ATP9B: variants seen among roughly 807,000 people sequenced by gnomAD.
ATP9B encodes probable phospholipid-transporting ATPase IIB.
In ATP9B, 110 loss-of-function variants were observed where a neutral mutation model predicts 146.1. That is an observed-to-expected ratio of 0.75 (90% CI 0.65 to 0.88). The LOEUF is 0.88. Ranked by LOEUF, ATP9B falls within the 40% of genes least tolerant of loss-of-function variation. ATP9B has a pLI of 0.00. For synonymous variants in ATP9B, 604 were observed against 569.7 expected, an observed-to-expected ratio of 1.06 and a Z score of -0.86; for missense variants, 1,499 against 1,496.4, an observed-to-expected ratio of 1.00 and a Z score of -0.03.
chr18:79,336,596 G>A, intron 17 of ATP9B, 32 bp from the exon 18 acceptor site: 1 of 1,607,550 alleles, frequency 6.2e-7, no homozygotes, highest in Non-Finnish European at 8.5e-7. Flanking sequence ...GCTCTGCAGG[G>A]CCCACCTGTG....
At chr18:79,090,720 A>T (rs59570002) in intron 1 of ATP9B, among the ~76,000 whole-genome samples, 5,794 of 152,048 alleles carry the variant, frequency 0.038, 151 homozygotes, top group African/African-American at 0.068. Context: ...ATTTTCCCCC[A>T]TTCTGTGGGT....
rs1555849962 is a variant in ATP9B, at chr18:79,327,647, A to ATGCTCTCCGTGTTTAGCG, written c.1774-1482_1774-1465dup. Among the ~76,000 whole-genome samples, 7 of 31,316 alleles carry ATGCTCTCCGTGTTTAGCG rather than the reference A, an allele frequency of 2.2e-4. 1 individual carries two copies. The highest frequency in any genetic ancestry group is 4.5e-4 in the African/African-American group (3 of 6,726). The allele number at this position is 31,316 out of a possible 152,430, so 20.5% of individuals were successfully genotyped here. A position where few individuals can be genotyped will look rare whatever the true frequency, so the allele number is the denominator to read the frequency against. ...GGTTAGTGTGCCCTCCCTGGTTAGC[A>ATGCTCTCCGTGTTTAGCG]TGCTCTCCGTGTTTAGCGTGCTCTC... On this transcript the variant is annotated intron_variant, in intron 15 of 29. Transcript: ENST00000426216.
chr18:79,348,892 G>A (rs1051470458), intron 25 of ATP9B, among the ~76,000 whole-genome samples: 8 of 152,228 alleles, frequency 5.3e-5, no homozygotes, highest in African/African-American at 1.2e-4. Flanking sequence ...ACTGAGGCAC[G>A]AGAATCACTT....
rs111476129 is a variant in ATP9B, at chr18:79,101,318, C to T, written c.293+4669C>T. 3.5e-3 allele frequency among the ~76,000 whole-genome samples: 535 copies of T among 152,176 alleles called. 1 individual carries two copies. The highest frequency in any genetic ancestry group is 5.9e-3 in the Admixed American group (90 of 15,270). ...AACTGAAATTACTCAATATGTGATA[C>T]TTAAAAATTGTTCTATTTTTTTTCC... On this transcript the variant is annotated intron_variant, in intron 2 of 29. Transcript: ENST00000426216.
chr18:79,359,204 A>T (rs765514238), intron 25 of ATP9B, 150 bp from the exon 26 acceptor site: 6 of 596,416 alleles, frequency 1.0e-5, no homozygotes, highest in Non-Finnish European at 1.8e-5. Context: ...AGTCTCCGCA[A>T]TCATCTTACT....
At chr18:79,137,015 C>T (rs2094455482) in intron 5 of ATP9B, among the ~76,000 whole-genome samples, 1 of 152,220 alleles carries the variant, frequency 6.6e-6, no homozygotes, top group African/African-American at 2.4e-5. Flanking sequence ...GGGTCCCTCC[C>T]ACAACATGTG....
intron 15 of ATP9B, among the ~76,000 whole-genome samples, chr18:79,313,451 T>A (rs997804708): frequency 3.3e-5 from 5 of 152,190 alleles, no homozygotes; most frequent in Non-Finnish European, 5.9e-5. Flanking sequence ...TTCTGGAAAT[T>A]CTCAAAAATG....
chr18:79,262,407 A>G (rs1255757641), intron 12 of ATP9B, among the ~76,000 whole-genome samples: 1 of 152,152 alleles, frequency 6.6e-6, no homozygotes, highest in African/African-American at 2.4e-5. Context: ...ACAAAGTTTT[A>G]TTTTATATAT....
intron 15 of ATP9B, among the ~76,000 whole-genome samples, chr18:79,317,746 AAG>A (rs2096689534): frequency 6.6e-6 from 1 of 152,218 alleles, no homozygotes; most frequent in Non-Finnish European, 1.5e-5. Flanking sequence ...AGAGCAGTAA[AAG>A]AGCATGTACC....
chr18:79,367,084 C>T (rs112300807), intron 26 of ATP9B, among the ~76,000 whole-genome samples: 363 of 124,942 alleles, frequency 2.9e-3, no homozygotes, highest in Admixed American at 0.019. Flanking sequence ...ACCGTGTGTA[C>T]GCAGAGAAAG....
rs1178985966 is a variant in ATP9B at position 79,344,376 on chromosome 18, G to A, written c.2472+22G>A. 7 of 1,603,312 alleles carry A rather than the reference G, an allele frequency of 4.4e-6. No homozygotes were observed. In the South Asian group the frequency reaches 6.6e-5, roughly 15 times the overall value. On this transcript the variant is annotated intron_variant, in intron 21 of 29. Transcript: ENST00000426216. ...GGAGGTAAGGCTGGACCCTGAGTGA[G>A]TACATGTCTGTCTGTGTCTCTGAGG...
intron 4 of ATP9B, among the ~76,000 whole-genome samples, chr18:79,124,471 C>T (rs2094247071): frequency 6.6e-6 from 1 of 152,272 alleles, no homozygotes; most frequent in Admixed American, 6.5e-5. Context: ...CATGCCGTGC[C>T]ATGCCTGCCT....
intron 7 of ATP9B, among the ~76,000 whole-genome samples, chr18:79,159,716 G>A (rs2094849532): frequency 6.6e-6 from 1 of 152,144 alleles, no homozygotes; most frequent in Non-Finnish European, 1.5e-5. Flanking sequence ...CACCTATCTA[G>A]CTACCATCCC....
chr18:79,112,847 C>A (rs1308923905), intron 3 of ATP9B, among the ~76,000 whole-genome samples: 2 of 151,986 alleles, frequency 1.3e-5, no homozygotes, highest in Admixed American at 1.3e-4. Flanking sequence ...TCAAGATACA[C>A]CTGTATATTT....
intron 19 of ATP9B, among the ~76,000 whole-genome samples, chr18:79,339,047 CTTCT>C (rs754169138): frequency 2.9e-4 from 44 of 152,338 alleles, no homozygotes; most frequent in African/African-American, 8.2e-4. Flanking sequence ...ATTTAATGTC[CTTCT>C]GAGATCGCAG....
At chr18:79,143,213 A>G (rs141195708) in intron 5 of ATP9B, among the ~76,000 whole-genome samples, 9 of 152,344 alleles carry the variant, frequency 5.9e-5, no homozygotes, top group Admixed American at 2.0e-4. Context: ...ATGATATTTA[A>G]GTATATATGA....
At chr18:79,185,435 C>G (rs981264690) in intron 8 of ATP9B, among the ~76,000 whole-genome samples, 1 of 152,126 alleles carries the variant, frequency 6.6e-6, no homozygotes, top group Non-Finnish European at 1.5e-5. Flanking sequence ...TACAATGCAA[C>G]TTTAACATTT....
At chr18:79,289,659 C>G (rs1316719992) in intron 13 of ATP9B, among the ~76,000 whole-genome samples, 1 of 152,208 alleles carries the variant, frequency 6.6e-6, no homozygotes, top group African/African-American at 2.4e-5. Context: ...TGGTGCGGAA[C>G]TGTGTTCCTT....
chr18:79,185,213 G>T (rs1040997313), intron 8 of ATP9B, among the ~76,000 whole-genome samples: 7 of 152,068 alleles, frequency 4.6e-5, no homozygotes, highest in African/African-American at 7.2e-5. Flanking sequence ...CACTTTAAAC[G>T]TGCAGTTATT....
Sources: gnomAD v4.1 joint callset for allele counts (sites outside exome capture counted in the v4.1 genomes callset) on GRCh38, gnomAD v4.1.1 for gene constraint, MANE v1.5 for transcripts, NCBI Gene and HGNC (gene_info 2026-07-23, HGNC 2026-07-21) for gene names.